TTC28: variants seen among roughly 807,000 people sequenced by gnomAD.
The protein encoded by TTC28 is tetratricopeptide repeat domain 28.
A neutral mutation model predicts 198.0 loss-of-function variants in TTC28; 61 were observed. That is an observed-to-expected ratio of 0.31 (90% CI 0.25 to 0.38). The LOEUF is 0.38. Among genes scored for constraint, TTC28 ranks in the 10% least tolerant of loss-of-function variants. TTC28 has a pLI of 1.00. For missense variants in TTC28, 2,678 were observed against 3,164.0 expected (o/e 0.85, Z 3.69); for synonymous variants, 1,171 against 1,297.8 (o/e 0.90, Z 2.10).
intron 2 of TTC28, among the ~76,000 whole-genome samples, chr22:28,354,157 T>A (rs2145940227): frequency 6.6e-6 from 1 of 152,274 alleles, no homozygotes; most frequent in East Asian, 1.9e-4. Context: ...AAATACCATA[T>A]AATCTAGCAA....
chr22:28,367,151 C>T (rs1601696954), intron 2 of TTC28, among the ~76,000 whole-genome samples: 1 of 151,996 alleles, frequency 6.6e-6, no homozygotes, highest in Admixed American at 6.6e-5. Context: ...TTCTCCTCAG[C>T]CCATAGGTCA....
chr22:28,438,401 T>C (rs2047556692), intron 2 of TTC28, among the ~76,000 whole-genome samples: 2 of 152,218 alleles, frequency 1.3e-5, no homozygotes, highest in South Asian at 4.1e-4. Flanking sequence ...AACAAGGCTT[T>C]TAAATGGAAC....
At chr22:28,190,863 C>T (rs1284013684) in intron 5 of TTC28, among the ~76,000 whole-genome samples, 1 of 152,138 alleles carries the variant, frequency 6.6e-6, no homozygotes, top group East Asian at 1.9e-4. Context: ...GTCTCTCCCA[C>T]TCTGGGCCTC....
intron 9 of TTC28, 84 bp downstream of exon 9, chr22:28,101,087 T>C: frequency 9.1e-6 from 9 of 989,116 alleles, no homozygotes; most frequent in Non-Finnish European, 1.2e-5. Context: ...CTCTTGTAAA[T>C]GCCATCACTA....
At chr22:28,101,849 G>A (rs1298879160) in intron 8 of TTC28, among the ~76,000 whole-genome samples, 3 of 134,436 alleles carry the variant, frequency 2.2e-5, no homozygotes, top group African/African-American at 8.5e-5. Context: ...ATGAGGACAA[G>A]AGCTGAATCA....
At chr22:28,669,397 T>C (rs2051841562) in intron 1 of TTC28, among the ~76,000 whole-genome samples, 1 of 151,978 alleles carries the variant, frequency 6.6e-6, no homozygotes, top group Non-Finnish European at 1.5e-5. Flanking sequence ...ACATGGAAAT[T>C]CCTGATAGGG....
chr22:28,193,822 C>CCA (rs1245782726), intron 5 of TTC28, among the ~76,000 whole-genome samples: 2 of 152,040 alleles, frequency 1.3e-5, no homozygotes, highest in African/African-American at 2.4e-5. Context: ...ACTTAGACTC[C>CCA]CACGCAAGAA....
In TTC28 at chr22:28,304,015, G is replaced by T. The variant is rs1359298572; in HGVS notation, c.529+2481C>A. On this transcript the variant is annotated intron_variant, in intron 3 of 22. Coordinates refer to ENST00000397906, the MANE Select transcript of TTC28 (RefSeq NM_001145418.2). ...AAAAAGTGGGCAGCAGCCGGGCGCGGTGGCTCACGCCTGTAATCCCAGCAC... is the reference window on the plus strand; with the variant it reads ...AAAAAGTGGGCAGCAGCCGGGCGCGTTGGCTCACGCCTGTAATCCCAGCAC... Among the ~76,000 whole-genome samples, 3 of 152,110 alleles carry T rather than the reference G, an allele frequency of 2.0e-5. No individual in the cohort carries two copies. The East Asian group carries it at 5.8e-4, about 29-fold the overall frequency.
intron 5 of TTC28, among the ~76,000 whole-genome samples, chr22:28,242,685 A>G (rs1370979661): frequency 6.6e-6 from 1 of 152,170 alleles, no homozygotes; most frequent in Non-Finnish European, 1.5e-5. Flanking sequence ...GAATATGTAT[A>G]TATCTTTGTT....
At position 27,982,714 on chromosome 22, in the gene TTC28, C is replaced by T. The variant is rs1327976769; in HGVS notation, c.6953G>A (p.Ser2318Asn). The change falls in exon 23 of 23, where the codon AGT becomes AAT. Residue 2318 changes from serine (S) to asparagine (N), a missense_variant. This residue lies in a region of TTC28 where 622 missense variants were observed against 656.0 expected (regional missense o/e 0.95). Coordinates refer to ENST00000397906, the MANE Select transcript of TTC28 (RefSeq NM_001145418.2). This position sits in a 1 kb window ranked among gnomAD's most constrained non-coding sequence, Gnocchi z 5.2. Reference protein sequence around the residue: ...PSSGHQSPAGSAPSPALSYSS... With the variant: ...PSSGHQSPAGNAPSPALSYSS... ...GTAGGAGAGAGCTGGGGAGGGTGCA[C>T]TGCCAGCAGGAGACTGGTGGCCGGA... 6.4e-7 allele frequency: 1 copy of T among 1,551,628 alleles called. No homozygotes were observed. Among genetic ancestry groups the T allele is most frequent in the South Asian group, 1.2e-5 (1 of 84,048 alleles).
intron 6 of TTC28, among the ~76,000 whole-genome samples, chr22:28,137,270 G>A (rs771198131): frequency 4.5e-4 from 69 of 152,032 alleles, no homozygotes; most frequent in Non-Finnish European, 7.9e-4. Context: ...CTGAGGCAGC[G>A]CTCTTGAGAA....
chr22:28,245,928 T>C (rs1047603258), intron 5 of TTC28, among the ~76,000 whole-genome samples: 3 of 152,196 alleles, frequency 2.0e-5, no homozygotes, highest in African/African-American at 7.2e-5. Context: ...AATTTTCCTG[T>C]TTCCTGACTT....
At chr22:28,166,275 A>G (rs2147066653) in intron 5 of TTC28, among the ~76,000 whole-genome samples, 1 of 152,312 alleles carries the variant, frequency 6.6e-6, no homozygotes, top group South Asian at 2.1e-4. Flanking sequence ...CGAGACAGAA[A>G]GTTAACAAGG....
intron 1 of TTC28, among the ~76,000 whole-genome samples, chr22:28,663,466 G>A (rs1601677868): frequency 1.4e-5 from 2 of 144,668 alleles, no homozygotes; most frequent in South Asian, 2.3e-4. Flanking sequence ...GAAGCAGGGC[G>A]AGGCATTGCC....
chr22:28,438,346 T>C (rs2047555768), intron 2 of TTC28, among the ~76,000 whole-genome samples: 2 of 152,200 alleles, frequency 1.3e-5, no homozygotes, highest in Admixed American at 1.3e-4. Flanking sequence ...TAAGCTATTC[T>C]AAGACACAAA....
chr22:28,058,643 G>A (rs1490147043), intron 12 of TTC28, among the ~76,000 whole-genome samples: 1 of 151,990 alleles, frequency 6.6e-6, no homozygotes, highest in African/African-American at 2.4e-5. Flanking sequence ...TAATACAAGT[G>A]GAAGTGGTTC....
intron 12 of TTC28, among the ~76,000 whole-genome samples, chr22:28,071,111 T>C (rs1601586706): frequency 6.6e-6 from 1 of 151,962 alleles, no homozygotes; most frequent in East Asian, 1.9e-4. Context: ...AGTCAGTCCT[T>C]TCTAAAAGCA....
chr22:28,105,603 G>C lies in TTC28; in HGVS notation c.2983C>G (p.Leu995Val). Residue 995 changes from leucine (L) to valine (V), a missense_variant, in exon 8 of 23, where the codon CTG (leucine) becomes GTG (valine). This residue lies in a region of TTC28 where 727 missense variants were observed against 861.9 expected (regional missense o/e 0.84). Coordinates refer to ENST00000397906, the MANE Select transcript of TTC28 (RefSeq NM_001145418.2). ...NIARDMKDRA[L>V]ESDAACGLGG... ...AGGCCACAGGCTGCGTCACTCTCCA[G>C]GGCTCGGTCTTTCATATCTCTAGCA... is the stretch of plus-strand genomic sequence containing the variant. 1 of 1,551,856 alleles carries C rather than the reference G, an allele frequency of 6.4e-7. No homozygotes were observed. The highest frequency in any genetic ancestry group is 8.7e-7 in the Non-Finnish European group (1 of 1,147,026).
At chr22:28,028,028 T>C (rs1938906767) in intron 13 of TTC28, among the ~76,000 whole-genome samples, 1 of 152,230 alleles carries the variant, frequency 6.6e-6, no homozygotes, top group African/African-American at 2.4e-5. Context: ...CCTTCCTGGC[T>C]TGTGAGAGAG....
Sources: gnomAD v4.1 joint callset for allele counts (sites outside exome capture counted in the v4.1 genomes callset) on GRCh38, gnomAD v4.1.1 for gene constraint, gnomAD v4.1.1 regional missense constraint, Gnocchi (gnomAD v3.1) non-coding constraint, MANE v1.5 for transcripts, NCBI Gene and HGNC (gene_info 2026-07-23, HGNC 2026-07-21) for gene names.